ADAMTS18: variants seen among roughly 807,000 people sequenced by gnomAD.
The protein encoded by ADAMTS18 is A disintegrin and metalloproteinase with thrombospondin motifs 18.
In ADAMTS18, 157 loss-of-function variants were observed where a neutral mutation model predicts 165.9. That is an observed-to-expected ratio of 0.95 (90% CI 0.83 to 1.08). The LOEUF (loss-of-function observed/expected upper bound fraction) is 1.08. Among genes scored for constraint, ADAMTS18 ranks in the 50% least tolerant of loss-of-function variants. The probability of loss-of-function intolerance (pLI) is 0.00; values close to 1 mark genes in which losing one functional copy is unlikely to be tolerated. For synonymous variants in ADAMTS18, 782 were observed against 578.2 expected (o/e 1.35, Z -5.06); for missense variants, 2,040 against 1,534.0 (o/e 1.33, Z -5.51).
At chr16:77,432,805 GTAGC>G (rs1329154590) in intron 2 of ADAMTS18, among the ~76,000 whole-genome samples, 1 of 150,702 alleles carries the variant, frequency 6.6e-6, no homozygotes, top group Admixed American at 6.6e-5. Flanking sequence ...TGGAGCCCCT[GTAGC>G]TAGCAAAGAT....
chr16:77,293,701 T>G (rs1387826241), intron 19 of ADAMTS18, among the ~76,000 whole-genome samples: 2 of 150,778 alleles, frequency 1.3e-5, no homozygotes, highest in Middle Eastern at 6.8e-3. Flanking sequence ...AGGGTGGTGC[T>G]TTGGGGATAA....
chr16:77,420,419 T>C (rs995832296), intron 3 of ADAMTS18, among the ~76,000 whole-genome samples: 1 of 152,210 alleles, frequency 6.6e-6, no homozygotes, highest in Middle Eastern at 3.4e-3. Context: ...ATAACACAGA[T>C]GTTTGGGCCC....
At chr16:77,400,424 T>TTTTGTG (rs1555525298) in intron 3 of ADAMTS18, among the ~76,000 whole-genome samples, 1 of 136,050 alleles carries the variant, frequency 7.4e-6, no homozygotes, top group African/African-American at 2.9e-5. Flanking sequence ...TCAGGGGGAA[T>TTTTGTG]TGTGTGTGTG....
chr16:77,365,981 T>C (rs78651435), intron 4 of ADAMTS18, among the ~76,000 whole-genome samples: 1 of 152,180 alleles, frequency 6.6e-6, no homozygotes, highest in Non-Finnish European at 1.5e-5. Context: ...ACTATAAACA[T>C]CATTACTATC....
intron 3 of ADAMTS18, among the ~76,000 whole-genome samples, chr16:77,384,472 T>G (rs780004847): frequency 6.6e-6 from 1 of 152,178 alleles, no homozygotes; most frequent in Non-Finnish European, 1.5e-5. Context: ...GACACTCAAA[T>G]CATACTGACT....
At chr16:77,350,615 A>T (rs2056541762) in intron 10 of ADAMTS18, among the ~76,000 whole-genome samples, 1 of 152,172 alleles carries the variant, frequency 6.6e-6, no homozygotes, top group African/African-American at 2.4e-5. Context: ...GTGACTCCCA[A>T]ATCCAGAGAT....
intron 12 of ADAMTS18, among the ~76,000 whole-genome samples, chr16:77,328,229 A>G (rs1315506180): frequency 6.6e-6 from 1 of 152,062 alleles, no homozygotes; most frequent in Non-Finnish European, 1.5e-5. Flanking sequence ...TACGCATAAC[A>G]TCGTACCCAG....
At position 77,434,746 on chromosome 16, in the gene ADAMTS18, C is replaced by G. The variant is rs1211869648; in HGVS notation, c.-51G>C. 2.9e-6 allele frequency: 4 copies of G among 1,358,124 alleles called. No individual in the cohort carries two copies. Among genetic ancestry groups the G allele is most frequent in the Admixed American group, 6.4e-5 (2 of 31,296 alleles). 84.1% of individuals were successfully genotyped at this position (1,358,124 alleles called of 1,614,324 possible). On this transcript the variant is annotated 5_prime_UTR_variant, in exon 1 of 23. Coordinates refer to ENST00000282849, the MANE Select transcript of ADAMTS18 (RefSeq NM_199355.4). ...GGGTGGCCAGACGCGGCAGGCGGAGCGCACGGGCGGCGCGCATTCTTTCCG... is the reference window on the plus strand; with the variant it reads ...GGGTGGCCAGACGCGGCAGGCGGAGGGCACGGGCGGCGCGCATTCTTTCCG...
chr16:77,300,265 C>G lies in ADAMTS18; in HGVS notation c.2672G>C (p.Gly891Ala), dbSNP rs2055555060. 6.2e-7 allele frequency: 1 copy of G among 1,614,032 alleles called. No individual in the cohort carries two copies. Among genetic ancestry groups the G allele is most frequent in the Non-Finnish European group, 8.5e-7 (1 of 1,179,952 alleles). The stretch of plus-strand genomic sequence containing the variant: ...GACAGAATGAGAAAATCATCTACCT[C>G]CACCACAGGAGACGGAGCACTCTGA... ...VQSECSVSCG[G>A]GYINVKAICL... The change falls in exon 17 of 23, where the codon GGA becomes GCA. Residue 891 changes from glycine to alanine, a missense_variant and splice_region_variant. By Grantham distance (60) the Gly-to-Ala change is moderately conservative. Coordinates refer to ENST00000282849, the MANE Select transcript of ADAMTS18 (RefSeq NM_199355.4).
At chr16:77,360,648 C>G (rs914154819) in intron 7 of ADAMTS18, among the ~76,000 whole-genome samples, 1 of 152,150 alleles carries the variant, frequency 6.6e-6, no homozygotes, top group Non-Finnish European at 1.5e-5. Flanking sequence ...TGGATATATA[C>G]CATCTTTCAT....
chr16:77,362,759 A>T (rs969697521), intron 6 of ADAMTS18, among the ~76,000 whole-genome samples: 1 of 152,192 alleles, frequency 6.6e-6, no homozygotes. Flanking sequence ...ATAAGAGAGG[A>T]CCTACCCTTA....
intron 3 of ADAMTS18, among the ~76,000 whole-genome samples, chr16:77,430,786 C>A (rs1222417614): frequency 1.6e-4 from 25 of 152,172 alleles, no homozygotes. Context: ...AACACAGCAC[C>A]CCACATTCTA....
chr16:77,400,513 G>A (rs1285460568), intron 3 of ADAMTS18, among the ~76,000 whole-genome samples: 7 of 140,886 alleles, frequency 5.0e-5, no homozygotes, highest in African/African-American at 1.3e-4. Flanking sequence ...ACGGAGTCTC[G>A]CTCTGTCGCC....
chr16:77,385,682 G>C (rs148826647), intron 3 of ADAMTS18, among the ~76,000 whole-genome samples: 5 of 152,164 alleles, frequency 3.3e-5, no homozygotes, highest in Non-Finnish European at 7.3e-5. Context: ...GATTAAGTAC[G>C]CTACGTGGCA....
chr16:77,332,173 T>A (rs2056199990), intron 12 of ADAMTS18, among the ~76,000 whole-genome samples: 1 of 152,172 alleles, frequency 6.6e-6, no homozygotes, highest in South Asian at 2.1e-4. Flanking sequence ...GCAGAAATGG[T>A]CTGTCAAACT....
At chr16:77,380,453 T>A (rs1375382950) in intron 3 of ADAMTS18, among the ~76,000 whole-genome samples, 1 of 152,196 alleles carries the variant, frequency 6.6e-6, no homozygotes, top group African/African-American at 2.4e-5. Flanking sequence ...AAACTCTGTA[T>A]TGGTTTGGAA....
intron 3 of ADAMTS18, among the ~76,000 whole-genome samples, chr16:77,415,270 G>C (rs1465961929): frequency 2.0e-5 from 3 of 152,206 alleles, no homozygotes; most frequent in Non-Finnish European, 2.9e-5. Context: ...GCTCTTTGCG[G>C]AAAGTGTCTA....
At chr16:77,360,656 C>A (rs1321958771) in intron 7 of ADAMTS18, among the ~76,000 whole-genome samples, 1 of 152,192 alleles carries the variant, frequency 6.6e-6, no homozygotes, top group Non-Finnish European at 1.5e-5. Context: ...TACCATCTTT[C>A]ATTACAAAAA....
intron 8 of ADAMTS18, among the ~76,000 whole-genome samples, chr16:77,358,345 G>C (rs981511648): frequency 2.0e-5 from 3 of 152,158 alleles, no homozygotes; most frequent in African/African-American, 7.2e-5. Context: ...GGAAACCGAG[G>C]TCGGCAGATC....
Sources: allele counts gnomAD v4.1 joint callset (sites outside exome capture counted in the v4.1 genomes callset), GRCh38; gene constraint gnomAD v4.1.1; transcripts MANE v1.5; gene names NCBI Gene and HGNC (gene_info 2026-07-23, HGNC 2026-07-21).